Variants in NT5DC1 observed in about 807,000 individuals in gnomAD.
NT5DC1 encodes 5'-nucleotidase domain-containing protein 1.
Under a neutral mutation model 59.4 loss-of-function variants are expected in NT5DC1, and 42 were observed. That is an observed-to-expected ratio of 0.71 (90% CI 0.55 to 0.92). NT5DC1 has a LOEUF of 0.92. NT5DC1 is among the 40% of genes least tolerant of loss of function. NT5DC1 has a pLI of 0.00. For synonymous variants in NT5DC1, 172 were observed against 188.1 expected (o/e 0.91, Z 0.70); for missense variants, 501 against 537.1 (o/e 0.93, Z 0.66).
chr6:116,191,134 A>G (rs1679001719), intron 6 of NT5DC1, among the ~76,000 whole-genome samples: 1 of 151,732 alleles, frequency 6.6e-6, no homozygotes, highest in Non-Finnish European at 1.5e-5. Context: ...TTTTTAATGT[A>G]GGGTGTGATT....
In NT5DC1 at chr6:116,133,063, C is replaced by G. The variant is rs564710577; in HGVS notation, c.529+15118C>G. ...GTCAAGAAAAACTGAGAGTCATTTACAAAGTTTTAACAAGGGCTTTATATT... is the reference window on the plus strand; with the variant it reads ...GTCAAGAAAAACTGAGAGTCATTTAGAAAGTTTTAACAAGGGCTTTATATT... On this transcript the variant is annotated intron_variant, in intron 6 of 11. Coordinates refer to ENST00000319550, the MANE Select transcript of NT5DC1 (RefSeq NM_152729.3). 5.3e-5 allele frequency among the ~76,000 whole-genome samples: 8 copies of G among 152,254 alleles called. No homozygotes were observed. In the South Asian group the frequency reaches 1.4e-3, roughly 28 times the overall value.
chr6:116,137,751 A>G (rs976091115), intron 6 of NT5DC1, among the ~76,000 whole-genome samples: 2 of 152,302 alleles, frequency 1.3e-5, no homozygotes, highest in South Asian at 4.2e-4. Flanking sequence ...TATATGGAAA[A>G]CCAGTTATCT....
At chr6:116,184,226 A>G (rs536251973) in intron 6 of NT5DC1, among the ~76,000 whole-genome samples, 6 of 152,076 alleles carry the variant, frequency 3.9e-5, no homozygotes, top group African/African-American at 9.7e-5. Context: ...ATGTCAAACT[A>G]TCCCTGCGTC....
At chr6:116,121,918 G>T in intron 6 of NT5DC1, 1 of 1,613,684 alleles carries the variant, frequency 6.2e-7, no homozygotes, top group Non-Finnish European at 8.5e-7. Flanking sequence ...GTCCAGCAGG[G>T]CCTGGTGGAC....
chr6:116,223,750 C>G (rs748226742), intron 8 of NT5DC1, among the ~76,000 whole-genome samples: 1 of 152,114 alleles, frequency 6.6e-6, no homozygotes, highest in African/African-American at 2.4e-5. Flanking sequence ...TCTGTTGTGT[C>G]TTTTATTTCT....
chr6:116,214,358 T>C (rs1362158787), intron 6 of NT5DC1, among the ~76,000 whole-genome samples: 1 of 152,196 alleles, frequency 6.6e-6, no homozygotes, highest in Non-Finnish European at 1.5e-5. Flanking sequence ...TTAAAATGTT[T>C]TTAAACACAG....
At position 116,100,978 on chromosome 6, in the gene NT5DC1, C is replaced by T. The variant is rs1778630044; in HGVS notation, c.48C>T (p.Asp16=). 6 of 1,605,554 alleles carry T rather than the reference C, an allele frequency of 3.7e-6. No individual in the cohort carries two copies. The South Asian group carries it at 5.5e-5, about 15-fold the overall frequency. ...CCGCCTGCGACGTGGTCGGATTCGA[C>T]CTGGACCACACTCTGTGTCGCTACA... ...SLAACDVVGF[D]LDHTLCRYNL... Residue 16 remains aspartate, a synonymous_variant, in exon 1 of 12, where the codon GAC becomes GAT. Transcript: ENST00000319550.
At chr6:116,221,309 GCCATGA>G (rs1457364144) in intron 7 of NT5DC1, 81 bp downstream of exon 7, 1 of 803,464 alleles carries the variant, frequency 1.2e-6, no homozygotes. Flanking sequence ...AAAAGTGTCA[GCCATGA>G]CCATATCATT....
Position 116,110,837 on chromosome 6 carries a change from C to A in NT5DC1, c.258-13C>A. 3.8e-6 allele frequency: 6 copies of A among 1,591,788 alleles called. No individual in the cohort carries two copies. Among genetic ancestry groups the A allele is most frequent in the Non-Finnish European group, 5.2e-6 (6 of 1,159,580 alleles). On this transcript the variant is annotated splice_polypyrimidine_tract_variant and intron_variant, in intron 3 of 11. Transcript: ENST00000319550. ...ACCATTAATGAGCAATGTGCCTCCT[C>A]TCTCAAAATCAGGGCAAGCCATGGC...
chr6:116,222,468 A>G (rs893850488), intron 7 of NT5DC1, among the ~76,000 whole-genome samples: 2 of 152,198 alleles, frequency 1.3e-5, no homozygotes, highest in Non-Finnish European at 1.5e-5. Context: ...CATCAAAAGT[A>G]ATCCTTAATA....
intron 6 of NT5DC1, among the ~76,000 whole-genome samples, chr6:116,172,471 G>A (rs892374651): frequency 6.6e-6 from 1 of 151,654 alleles, no homozygotes; most frequent in Non-Finnish European, 1.5e-5. Context: ...ACAGGCGCAC[G>A]CCACCACGCC....
At chr6:116,180,446 C>T (rs1280655485) in intron 6 of NT5DC1, among the ~76,000 whole-genome samples, 1 of 151,930 alleles carries the variant, frequency 6.6e-6, no homozygotes, top group Non-Finnish European at 1.5e-5. Flanking sequence ...AAATAATGGA[C>T]CTAGGTAGTG....
At chr6:116,132,180 A>G (rs1779485276) in intron 6 of NT5DC1, among the ~76,000 whole-genome samples, 2 of 152,282 alleles carry the variant, frequency 1.3e-5, no homozygotes, top group African/African-American at 2.4e-5. Flanking sequence ...GGAGAGAGTC[A>G]TAGAATGGGG....
intron 6 of NT5DC1, among the ~76,000 whole-genome samples, chr6:116,141,295 G>A (rs1016021409): frequency 6.6e-6 from 1 of 150,574 alleles, no homozygotes. Context: ...GGTTTTTTTA[G>A]TATTCTTACA....
At chr6:116,234,264 TA>T (rs1348125542) in intron 8 of NT5DC1, among the ~76,000 whole-genome samples, 1 of 151,906 alleles carries the variant, frequency 6.6e-6, no homozygotes, top group African/African-American at 2.4e-5. Context: ...CTGGCCCTTC[TA>T]ACATATTTTT....
intron 6 of NT5DC1, among the ~76,000 whole-genome samples, chr6:116,123,951 A>C (rs1779213404): frequency 6.6e-6 from 1 of 152,192 alleles, no homozygotes; most frequent in African/African-American, 2.4e-5. Flanking sequence ...GTGATCATGG[A>C]AACTATTGAA....
At chr6:116,170,319 T>C (rs981683510) in intron 6 of NT5DC1, among the ~76,000 whole-genome samples, 2 of 152,118 alleles carry the variant, frequency 1.3e-5, no homozygotes, top group African/African-American at 4.8e-5. Context: ...TTTTTTTAAT[T>C]CAAAAGAAAG....
chr6:116,236,832 C>A, intron 8 of NT5DC1, 134 bp from the exon 9 acceptor site: 1 of 623,348 alleles, frequency 1.6e-6, no homozygotes, highest in Non-Finnish European at 2.9e-6. Context: ...TATGTAGGTA[C>A]CACTGAATGT....
intron 6 of NT5DC1, among the ~76,000 whole-genome samples, chr6:116,216,392 T>TAA (rs5879367): frequency 2.2e-4 from 32 of 148,416 alleles, no homozygotes; most frequent in African/African-American, 4.2e-4. Flanking sequence ...TGGGAAGCTT[T>TAA]AAAAAAAAAA....
Sources: allele counts gnomAD v4.1 joint callset (sites outside exome capture counted in the v4.1 genomes callset), GRCh38; gene constraint gnomAD v4.1.1; transcripts MANE v1.5; gene names NCBI Gene and HGNC (gene_info 2026-07-23, HGNC 2026-07-21).